DLG2: variants seen among roughly 807,000 people sequenced by gnomAD.
The protein encoded by DLG2 is discs large MAGUK scaffold protein 2.
In DLG2, 45 loss-of-function variants were observed where a neutral mutation model predicts 132.5. The ratio of observed to expected loss-of-function variants is 0.34; its 90% CI spans 0.27 to 0.44. The LOEUF (loss-of-function observed/expected upper bound fraction) is 0.44. DLG2 is among the 20% of genes least tolerant of loss of function. The probability of loss-of-function intolerance (pLI) is 1.00; values close to 1 mark genes in which losing one functional copy is unlikely to be tolerated. For missense variants in DLG2, 1,045 were observed against 1,196.9 expected (o/e 0.87, Z 1.87); for synonymous variants, 424 against 419.6 (o/e 1.01, Z -0.13).
intron 6 of DLG2, among the ~76,000 whole-genome samples, chr11:84,964,631 A>G (rs1032596518): frequency 1.3e-5 from 2 of 152,160 alleles, no homozygotes; most frequent in African/African-American, 2.4e-5. Context: ...TTTTCATTCA[A>G]TGAGCATTAA....
At chr11:85,152,595 T>G (rs1461208627) in intron 5 of DLG2, among the ~76,000 whole-genome samples, 2 of 152,228 alleles carry the variant, frequency 1.3e-5, no homozygotes, top group East Asian at 3.9e-4. Flanking sequence ...CCACAAATTA[T>G]TAATATCTAA....
rs1369794405 is a variant in DLG2, at chr11:83,786,681, C to T, written c.1825+9G>A. 5 of 1,610,810 alleles carry T rather than the reference C, an allele frequency of 3.1e-6. No homozygotes were observed. The East Asian group carries it at 8.9e-5, about 29-fold the overall frequency. ...TATCAGAACATTATTAGTTTGAGTT[C>T]TGACTGACCTTCAGGTTGATATTGT... On this transcript the variant is annotated intron_variant, in intron 18 of 27. Coordinates refer to ENST00000376104, the MANE Select transcript of DLG2 (RefSeq NM_001142699.3).
intron 4 of DLG2, among the ~76,000 whole-genome samples, chr11:85,211,926 G>T (rs904991239): frequency 6.6e-6 from 1 of 151,736 alleles, no homozygotes; most frequent in African/African-American, 2.4e-5. Context: ...AAGGAAAAAG[G>T]TCTCTATATT....
At chr11:85,159,200 G>T (rs377723540) in intron 4 of DLG2, among the ~76,000 whole-genome samples, 36 of 152,330 alleles carry the variant, frequency 2.4e-4, no homozygotes, top group African/African-American at 7.9e-4. Flanking sequence ...TGGTCCTCCA[G>T]TTAAAGTAGG....
intron 18 of DLG2, among the ~76,000 whole-genome samples, chr11:83,768,968 C>T (rs1406434049): frequency 2.0e-5 from 3 of 152,156 alleles, no homozygotes; most frequent in Non-Finnish European, 4.4e-5. Flanking sequence ...GGATTTTATT[C>T]TATCATTCAC....
At chr11:83,854,271 G>T (rs1466624321) in intron 16 of DLG2, among the ~76,000 whole-genome samples, 3 of 152,034 alleles carry the variant, frequency 2.0e-5, no homozygotes, top group African/African-American at 7.2e-5. Context: ...TGGAGACCTA[G>T]AAATACTCAA....
chr11:84,437,711 G>T (rs1009255628), intron 7 of DLG2: 8 of 152,234 alleles, frequency 5.3e-5, no homozygotes, highest in African/African-American at 1.9e-4. Context: ...GGTGAGGCAG[G>T]CGCTGCCTTT....
intron 4 of DLG2, among the ~76,000 whole-genome samples, chr11:85,181,020 TCAA>T (rs1293574304): frequency 4.6e-5 from 7 of 151,752 alleles, no homozygotes; most frequent in East Asian, 1.9e-4. Flanking sequence ...TCTTATTTAA[TCAA>T]CAAATTTATC....
At chr11:85,419,514 C>T (rs1056551079) in intron 3 of DLG2, among the ~76,000 whole-genome samples, 15 of 151,114 alleles carry the variant, frequency 9.9e-5, no homozygotes, top group Admixed American at 2.0e-4. Context: ...TATCCTGAAG[C>T]GCAAGCATGT....
At chr11:84,228,314 G>A (rs2097036754) in intron 8 of DLG2, among the ~76,000 whole-genome samples, 1 of 152,176 alleles carries the variant, frequency 6.6e-6, no homozygotes, top group African/African-American at 2.4e-5. Context: ...GGGACTAATT[G>A]TTCTCAGTAC....
chr11:85,018,517 T>C (rs540339133), intron 6 of DLG2, among the ~76,000 whole-genome samples: 1 of 152,198 alleles, frequency 6.6e-6, no homozygotes, highest in Non-Finnish European at 1.5e-5. Flanking sequence ...AAGATTCGTG[T>C]GATCTTTGCC....
At chr11:84,823,645 G>A (rs1007999128) in intron 6 of DLG2, among the ~76,000 whole-genome samples, 3 of 147,156 alleles carry the variant, frequency 2.0e-5, no homozygotes, top group Non-Finnish European at 3.0e-5. Context: ...TTCCCCTGCC[G>A]AGCCCAGTTA....
Position 84,502,267 on chromosome 11 carries a change from C to CTTTCT in DLG2, c.519+32302_519+32303insAGAAA, listed in dbSNP as rs2099215231. ...CCTTCCTTCCTTCCTTCCTTCCTTC[C>CTTTCT]TTCCTTCCTTCCTTCTTTCTTTCTT... is the stretch of plus-strand genomic sequence containing the variant. On this transcript the variant is annotated intron_variant, in intron 7 of 27. Transcript: ENST00000376104. 1.2e-4 allele frequency among the ~76,000 whole-genome samples: 3 copies of CTTTCT among 24,384 alleles called. 1 individual carries two copies. The highest frequency in any genetic ancestry group is 1.1e-3 in the African/African-American group (2 of 1,786). 16.0% of individuals were successfully genotyped at this position (24,384 alleles called of 152,430 possible).
chr11:84,075,878 A>G (rs1210303141), intron 10 of DLG2, among the ~76,000 whole-genome samples: 1 of 152,226 alleles, frequency 6.6e-6, no homozygotes, highest in Non-Finnish European at 1.5e-5. Context: ...ATGATTTCAT[A>G]AAACCAGAGC....
At chr11:84,847,576 T>G (rs1266933235) in intron 6 of DLG2, among the ~76,000 whole-genome samples, 1 of 152,150 alleles carries the variant, frequency 6.6e-6, no homozygotes, top group Non-Finnish European at 1.5e-5. Context: ...AAGAAAACCA[T>G]TTCTTCTTCA....
chr11:85,407,694 C>T (rs1327220277), intron 3 of DLG2, among the ~76,000 whole-genome samples: 1 of 151,722 alleles, frequency 6.6e-6, no homozygotes. Flanking sequence ...ACAGCTGAAA[C>T]TTAATCACAC....
At chr11:85,150,750 G>A (rs995333861) in intron 5 of DLG2, among the ~76,000 whole-genome samples, 1 of 101,232 alleles carries the variant, frequency 9.9e-6, no homozygotes, top group Non-Finnish European at 2.0e-5. Flanking sequence ...GTGTGTGTGT[G>A]TAACATTTTC....
chr11:85,117,811 TA>T, intron 5 of DLG2, among the ~76,000 whole-genome samples: 1 of 152,188 alleles, frequency 6.6e-6, no homozygotes, highest in South Asian at 2.1e-4. Context: ...TTTTAATTAA[TA>T]CATTGGGACT....
At chr11:85,519,450 C>G (rs781100016) in intron 3 of DLG2, among the ~76,000 whole-genome samples, 5 of 152,132 alleles carry the variant, frequency 3.3e-5, no homozygotes, top group African/African-American at 4.8e-5. Context: ...CCTGTAGCCT[C>G]TTTGTTTTGG....
Sources: gnomAD v4.1 joint callset for allele counts (sites outside exome capture counted in the v4.1 genomes callset) on GRCh38, gnomAD v4.1.1 for gene constraint, MANE v1.5 for transcripts, NCBI Gene and HGNC (gene_info 2026-07-23, HGNC 2026-07-21) for gene names.